ARID3A: variants seen among roughly 807,000 people sequenced by gnomAD.
The protein encoded by ARID3A is AT-rich interactive domain-containing protein 3A.
In ARID3A, 11 loss-of-function variants were observed where a neutral mutation model predicts 52.7. The ratio of observed to expected loss-of-function variants is 0.21; its 90% CI spans 0.13 to 0.35. The LOEUF (loss-of-function observed/expected upper bound fraction) is 0.35. ARID3A is among the 10% of genes least tolerant of loss of function. The pLI, the probability that ARID3A is intolerant of heterozygous loss-of-function variation, is 1.00. For missense variants in ARID3A, 721 were observed against 838.5 expected (o/e 0.86, Z 1.73); for synonymous variants, 404 against 359.4 (o/e 1.12, Z -1.40).
intron 3 of ARID3A, among the ~76,000 whole-genome samples, chr19:943,509 A>G (rs1300835214): frequency 6.6e-6 from 1 of 152,060 alleles, no homozygotes. Context: ...CGGAGGCTGC[A>G]GTGAGCTGAG....
Position 959,951 on chromosome 19 carries a change from C to A in ARID3A, c.694-141C>A, listed in dbSNP as rs188142574. The A allele has an allele frequency of 1.7e-6, 1 of 577,238 alleles. No homozygotes were observed. Among genetic ancestry groups the A allele is most frequent in the Non-Finnish European group, 2.9e-6 (1 of 342,936 alleles). The allele number at this position is 577,238 out of a possible 1,614,324, so 35.8% of individuals were successfully genotyped here. A position where few individuals can be genotyped will look rare whatever the true frequency, so the allele number is the denominator to read the frequency against. Reference sequence around the variant, plus strand: ...TTCTTCACCTGCCCAGCGGGGTCTTCGGCTCTGGCAGCGGCTTGAGGGTCC... The same window carrying A: ...TTCTTCACCTGCCCAGCGGGGTCTTAGGCTCTGGCAGCGGCTTGAGGGTCC... On this transcript the variant is annotated intron_variant, in intron 3 of 8. Coordinates refer to ENST00000263620, the MANE Select transcript of ARID3A (RefSeq NM_005224.3). This position sits in a 1 kb window ranked among gnomAD's most constrained non-coding sequence, Gnocchi z 5.0.
rs765240936 is a variant in ARID3A at position 929,927 on chromosome 19, G to A, written c.368+31G>A. On this transcript the variant is annotated intron_variant, in intron 2 of 8. Coordinates refer to ENST00000263620, the MANE Select transcript of ARID3A (RefSeq NM_005224.3). The surrounding 1 kb of genome is among the most constrained non-coding windows in gnomAD (Gnocchi z 6.2). Reference sequence around the variant, plus strand: ...TTGGGGTCTGGGGCAGGGCCTTCTGGGGGCTGTTACTGGCTCTGAGTGTCA... The same window carrying A: ...TTGGGGTCTGGGGCAGGGCCTTCTGAGGGCTGTTACTGGCTCTGAGTGTCA... 2.9e-5 allele frequency: 44 copies of A among 1,536,740 alleles called. 1 individual carries two copies. In the South Asian group the frequency reaches 5.1e-4, roughly 18 times the overall value.
chr19:958,948 G>A (rs991119094), intron 3 of ARID3A, among the ~76,000 whole-genome samples: 3 of 152,156 alleles, frequency 2.0e-5, no homozygotes, highest in Admixed American at 2.0e-4. Flanking sequence ...TGTGTTAGAC[G>A]CACAGACACT....
intron 3 of ARID3A, among the ~76,000 whole-genome samples, chr19:955,863 G>A (rs929472487): frequency 1.3e-5 from 2 of 152,186 alleles, no homozygotes; most frequent in South Asian, 2.1e-4. Context: ...AACCGCGGGC[G>A]TAAAACAAAC....
At chr19:940,243 G>A (rs552794638) in intron 3 of ARID3A, among the ~76,000 whole-genome samples, 2 of 152,156 alleles carry the variant, frequency 1.3e-5, no homozygotes, top group African/African-American at 2.4e-5. Context: ...GGAAGAAGAA[G>A]AATTGTCTTG....
In ARID3A at chr19:947,697, C is replaced by T. The variant is rs1026768008; in HGVS notation, c.694-12395C>T. ...CCACAGAGAAGCACCTTCACCACGC[C>T]AGCTTCCCGGGCCGCGCTTCATTGT... On this transcript the variant is annotated intron_variant, in intron 3 of 8. Coordinates refer to ENST00000263620, the MANE Select transcript of ARID3A (RefSeq NM_005224.3). The surrounding 1 kb of genome is among the most constrained non-coding windows in gnomAD (Gnocchi z 6.3). 6.6e-5 allele frequency among the ~76,000 whole-genome samples: 10 copies of T among 152,232 alleles called. No homozygotes were observed. Among genetic ancestry groups the T allele is most frequent in the African/African-American group, 9.6e-5 (4 of 41,458 alleles).
rs559538619 is a variant in ARID3A at position 972,453 on chromosome 19, T to C, written c.*388T>C. The C allele has an allele frequency of 4.7e-5, 10 of 213,446 alleles. No homozygotes were observed. The East Asian group carries it at 6.2e-4, about 13-fold the overall frequency. 13.2% of individuals were successfully genotyped at this position (213,446 alleles called of 1,614,324 possible). A position where few individuals can be genotyped will look rare whatever the true frequency, so the allele number is the denominator to read the frequency against. On this transcript the variant is annotated 3_prime_UTR_variant, in exon 9 of 9. Transcript: ENST00000263620. ...GGTGTCTGGTTTGGCCCCACAGCAG[T>C]GTGGGCCGATCCTGTTTACCTCATA... is the stretch of plus-strand genomic sequence containing the variant.
At chr19:936,652 C>T (rs924611402) in intron 3 of ARID3A, among the ~76,000 whole-genome samples, 7 of 151,952 alleles carry the variant, frequency 4.6e-5, no homozygotes, top group Admixed American at 1.3e-4. Context: ...ACCATCCTGG[C>T]TAACACGGTG....
At chr19:926,920 CT>C (rs1355407217) in intron 1 of ARID3A, among the ~76,000 whole-genome samples, 1 of 152,006 alleles carries the variant, frequency 6.6e-6, no homozygotes, top group Non-Finnish European at 1.5e-5. Flanking sequence ...TCCAAGAAGC[CT>C]TTGAAATCCG....
At chr19:955,991 CCAGGAGT>C (rs1223186743) in intron 3 of ARID3A, among the ~76,000 whole-genome samples, 1 of 152,142 alleles carries the variant, frequency 6.6e-6, no homozygotes, top group Non-Finnish European at 1.5e-5. Flanking sequence ...CCTGGGGGCT[CCAGGAGT>C]CCCTTGACAT....
chr19:956,991 G>A (rs2037932331), intron 3 of ARID3A, among the ~76,000 whole-genome samples: 2 of 152,332 alleles, frequency 1.3e-5, no homozygotes, highest in East Asian at 1.9e-4. Flanking sequence ...ACATTCCCCC[G>A]AGCTTAATTG....
chr19:934,104 A>G (rs968071292), intron 3 of ARID3A, among the ~76,000 whole-genome samples: 1 of 152,092 alleles, frequency 6.6e-6, no homozygotes, highest in Non-Finnish European at 1.5e-5. Context: ...AATATTCGCC[A>G]TCTGCCCGGG....
chr19:930,896 C>T (rs1038052643), intron 2 of ARID3A, among the ~76,000 whole-genome samples: 1 of 152,176 alleles, frequency 6.6e-6, no homozygotes, highest in African/African-American at 2.4e-5. Flanking sequence ...AAATCTGCAG[C>T]CGGCTGGACC....
intron 7 of ARID3A, 64 bp downstream of exon 7, chr19:966,932 G>A: frequency 2.0e-6 from 3 of 1,503,738 alleles, no homozygotes; most frequent in Non-Finnish European, 2.7e-6. Flanking sequence ...GGGCCTTGGA[G>A]CCTACATATG....
In ARID3A at chr19:974,776, G is replaced by A. The variant is rs1344830296; in HGVS notation, c.*2711G>A. The A allele has an allele frequency of 4.5e-6, 1 of 223,924 alleles. No homozygotes were observed. The allele number at this position is 223,924 out of a possible 1,614,324, so 13.9% of individuals were successfully genotyped here. A position where few individuals can be genotyped will look rare whatever the true frequency, so the allele number is the denominator to read the frequency against. Reference sequence around the variant, plus strand: ...GGAATCCTGCGTGTCGTGTCTGTGGGCGATCCGGCCTCCCGGCGGTGGGTG... The same window carrying A: ...GGAATCCTGCGTGTCGTGTCTGTGGACGATCCGGCCTCCCGGCGGTGGGTG... On this transcript the variant is annotated 3_prime_UTR_variant, in exon 9 of 9. Coordinates refer to ENST00000263620, the MANE Select transcript of ARID3A (RefSeq NM_005224.3).
At chr19:957,844 C>CA (rs1261879333) in intron 3 of ARID3A, among the ~76,000 whole-genome samples, 1 of 143,490 alleles carries the variant, frequency 7.0e-6, no homozygotes, top group African/African-American at 2.6e-5. Flanking sequence ...ACCCTGTCTC[C>CA]AAAAACAAAC....
Position 929,360 on chromosome 19 carries a change from G to C in ARID3A, c.-169G>C, listed in dbSNP as rs1159750974. On this transcript the variant is annotated 5_prime_UTR_variant, in exon 2 of 9. Transcript: ENST00000263620. The surrounding 1 kb of genome is among the most constrained non-coding windows in gnomAD (Gnocchi z 6.2). ...CCCATCAGCCTTCAGCTTGAGCCCGGCGGCCCCCGCCCCCGCCCCCTGCCA... is the reference window on the plus strand; with the variant it reads ...CCCATCAGCCTTCAGCTTGAGCCCGCCGGCCCCCGCCCCCGCCCCCTGCCA... 1 of 476,272 alleles carries C rather than the reference G, an allele frequency of 2.1e-6. No individual in the cohort carries two copies. The highest frequency in any genetic ancestry group is 2.9e-6 in the Non-Finnish European group (1 of 340,240). The allele number at this position is 476,272 out of a possible 1,614,324, so 29.5% of individuals were successfully genotyped here.
In ARID3A at chr19:966,471, A is replaced by G. The variant is rs113295774; in HGVS notation, c.1199-101A>G. On this transcript the variant is annotated intron_variant, in intron 6 of 8. Coordinates refer to ENST00000263620, the MANE Select transcript of ARID3A (RefSeq NM_005224.3). ...GAAACTCCGTCTCAAAAAAAAAAAA[A>G]AAAAGAAAAGAAAAGAAAAAAGAAG... 471 of 1,089,774 alleles carry G rather than the reference A, an allele frequency of 4.3e-4. 2 individuals are homozygous for G. Among genetic ancestry groups the G allele is most frequent in the Non-Finnish European group, 4.9e-4 (390 of 796,696 alleles). The allele number at this position is 1,089,774 out of a possible 1,614,324, so 67.5% of individuals were successfully genotyped here.
At chr19:958,398 A>T (rs2037966674) in intron 3 of ARID3A, among the ~76,000 whole-genome samples, 1 of 144,962 alleles carries the variant, frequency 6.9e-6, no homozygotes, top group Admixed American at 7.0e-5. Flanking sequence ...ACTGCACTCC[A>T]GCCTGGGCGA....
Sources: allele counts gnomAD v4.1 joint callset (sites outside exome capture counted in the v4.1 genomes callset), GRCh38; gene constraint gnomAD v4.1.1; non-coding constraint Gnocchi (gnomAD v3.1); transcripts MANE v1.5; gene names NCBI Gene and HGNC (gene_info 2026-07-23, HGNC 2026-07-21).